Variants in NSD1 observed in about 807,000 individuals in gnomAD.
NSD1 encodes the protein nuclear receptor binding SET domain protein 1, also known as histone-lysine N-methyltransferase, H3 lysine-36 specific.
In NSD1, 26 loss-of-function variants were observed where a neutral mutation model predicts 242.7. The observed-to-expected ratio is 0.11, with a 90% CI of 0.08 to 0.15. NSD1 has a LOEUF of 0.15. Ranked by LOEUF, NSD1 falls within the 10% of genes least tolerant of loss-of-function variation. NSD1 has a pLI of 1.00. For synonymous variants in NSD1, 1,106 were observed against 1,178.1 expected, an observed-to-expected ratio of 0.94 and a Z score of 1.25; for missense variants, 2,495 against 3,272.8, an observed-to-expected ratio of 0.76 and a Z score of 5.80.
chr5:177,195,721 G>A (rs1762059497), intron 3 of NSD1, among the ~76,000 whole-genome samples: 4 of 152,010 alleles, frequency 2.6e-5, no homozygotes, highest in Non-Finnish European at 1.5e-5. Context: ...TGCCCGCCTC[G>A]GCCTCCCAAA....
In NSD1 at chr5:177,149,779, A is replaced by G. The variant is rs1342234315; in HGVS notation, c.927+13749A>G. Among the ~76,000 whole-genome samples the G allele has an allele frequency of 4.6e-5, 7 of 152,142 alleles. No homozygotes were observed. The East Asian group carries it at 1.2e-3, about 25-fold the overall frequency. On this transcript the variant is annotated intron_variant, in intron 2 of 22. Coordinates refer to ENST00000439151, the MANE Select transcript of NSD1 (RefSeq NM_022455.5). ...CCTGATGTGACAGGAGTGGGAGCTC[A>G]GGCGATAATGCTCCCTTGTCTGCTG...
At position 177,162,520 on chromosome 5, in the gene NSD1, T is replaced by C. The variant is rs577752511; in HGVS notation, c.927+26490T>C. ...AAGCGATCCTCTCACCTCTGCCTCA[T>C]GAGTAGTTGGAACCACAGGCATGTG... On this transcript the variant is annotated intron_variant, in intron 2 of 22. Coordinates refer to ENST00000439151, the MANE Select transcript of NSD1 (RefSeq NM_022455.5). Among the ~76,000 whole-genome samples the C allele has an allele frequency of 2.6e-5, 4 of 152,088 alleles. No homozygotes were observed. The South Asian group carries it at 8.3e-4, about 32-fold the overall frequency.
intron 5 of NSD1, among the ~76,000 whole-genome samples, chr5:177,226,480 C>T (rs1764637131): frequency 6.6e-6 from 1 of 152,096 alleles, no homozygotes; most frequent in Admixed American, 6.6e-5. Flanking sequence ...AAATTGCTAT[C>T]GAGGTTTATT....
chr5:177,252,290 T>C (rs951561595), intron 12 of NSD1, among the ~76,000 whole-genome samples: 1 of 152,192 alleles, frequency 6.6e-6, no homozygotes, highest in Non-Finnish European at 1.5e-5. Context: ...AGAGGGCTTC[T>C]TGGTTACTGG....
At chr5:177,247,585 T>C (rs1320578153) in intron 10 of NSD1, among the ~76,000 whole-genome samples, 3 of 141,770 alleles carry the variant, frequency 2.1e-5, no homozygotes, top group African/African-American at 5.5e-5. Flanking sequence ...AAAAAAAAAA[T>C]CGAGACTGCT....
At chr5:177,278,925 T>C (rs1441205782) in intron 17 of NSD1, among the ~76,000 whole-genome samples, 1 of 152,258 alleles carries the variant, frequency 6.6e-6, no homozygotes, top group Non-Finnish European at 1.5e-5. Flanking sequence ...TTAAAACCTC[T>C]ACATTAATGG....
intron 6 of NSD1, among the ~76,000 whole-genome samples, chr5:177,236,168 C>T (rs1285793951): frequency 6.6e-6 from 1 of 151,872 alleles, no homozygotes; most frequent in Non-Finnish European, 1.5e-5. Context: ...CCCTCTTTGC[C>T]TTCAAAGAGT....
At chr5:177,141,321 T>C (rs1581108240) in intron 2 of NSD1, among the ~76,000 whole-genome samples, 1 of 108,010 alleles carries the variant, frequency 9.3e-6, no homozygotes, top group Non-Finnish European at 1.9e-5. Context: ...CGCGCAGCCT[T>C]TTTTTTTTTT....
chr5:177,194,694 CTTTTTTTTTTTTT>C (rs771213970), intron 3 of NSD1, among the ~76,000 whole-genome samples: 1 of 49,032 alleles, frequency 2.0e-5, no homozygotes, highest in Non-Finnish European at 3.8e-5. Flanking sequence ...ATTTTAGTGT[CTTTTTTTTTTTTT>C]TTTTTTTTTT....
intron 5 of NSD1, among the ~76,000 whole-genome samples, chr5:177,227,378 G>A (rs1764710209): frequency 6.6e-6 from 1 of 152,224 alleles, no homozygotes; most frequent in Non-Finnish European, 1.5e-5. Context: ...TAAGGAGGCA[G>A]ATGGAAGTTA....
intron 5 of NSD1, among the ~76,000 whole-genome samples, chr5:177,224,683 C>G (rs1025685142): frequency 3.3e-5 from 5 of 150,002 alleles, no homozygotes; most frequent in African/African-American, 9.8e-5. Flanking sequence ...CCTTTTCCCC[C>G]TTTGCTTACT....
chr5:177,275,071 G>T (rs1758258309), intron 17 of NSD1, among the ~76,000 whole-genome samples: 1 of 150,920 alleles, frequency 6.6e-6, no homozygotes. Context: ...GATGCTACTT[G>T]GAGACTAATT....
chr5:177,246,527 T>C (rs188324763), intron 9 of NSD1, 151 bp from the exon 10 acceptor site: 336 of 670,438 alleles, frequency 5.0e-4, no homozygotes, highest in Non-Finnish European at 8.5e-4. Context: ...CATCATGAGT[T>C]AGTCTCAATT....
chr5:177,276,650 C>A (rs555204387), intron 17 of NSD1, among the ~76,000 whole-genome samples: 5 of 152,138 alleles, frequency 3.3e-5, no homozygotes, highest in South Asian at 2.1e-4. Flanking sequence ...TTTCTCCCCC[C>A]CTTTATTAGA....
intron 12 of NSD1, among the ~76,000 whole-genome samples, chr5:177,255,042 C>G (rs976906488): frequency 2.0e-5 from 3 of 152,042 alleles, no homozygotes; most frequent in African/African-American, 7.2e-5. Context: ...ATAGCTACCA[C>G]GCCTGTAATC....
At chr5:177,180,722 G>A (rs1441339523) in intron 2 of NSD1, among the ~76,000 whole-genome samples, 1 of 151,706 alleles carries the variant, frequency 6.6e-6, no homozygotes, top group Non-Finnish European at 1.5e-5. Context: ...TCGCTCTGTT[G>A]CCCAGGCTAG....
chr5:177,220,337 TTATATAAG>T (rs1365560082), intron 5 of NSD1, among the ~76,000 whole-genome samples: 1 of 152,140 alleles, frequency 6.6e-6, no homozygotes, highest in African/African-American at 2.4e-5. Context: ...GTATTTTGTT[TTATATAAG>T]TATGGCCAAA....
Position 177,291,997 on chromosome 5 carries a change from A to G in NSD1, c.6302A>G (p.Lys2101Arg). Reference sequence around the variant, plus strand: ...GAAGAAAAGTCAAAGAAATTCAAGAAGAAGCAACAGGGAAAGCGCAGGACC... The same window carrying G: ...GAAGAAAAGTCAAAGAAATTCAAGAGGAAGCAACAGGGAAAGCGCAGGACC... ...ATEEKSKKFK[K>R]KQQGKRRTQG... Residue 2101 changes from lysine (K) to arginine (R), a missense_variant, in exon 22 of 23, where the codon AAG (lysine) becomes AGG (arginine). This residue lies in a region of NSD1 where 27 missense variants were observed against 33.4 expected (regional missense o/e 0.81). Transcript: ENST00000439151. 6.2e-7 allele frequency: 1 copy of G among 1,614,066 alleles called. No individual in the cohort carries two copies. The highest frequency in any genetic ancestry group is 8.5e-7 in the Non-Finnish European group (1 of 1,179,966).
Position 177,256,233 on chromosome 5 carries a change from T to C in NSD1, c.4766-718T>C, listed in dbSNP as rs192252912. On this transcript the variant is annotated intron_variant, in intron 12 of 22. Coordinates refer to ENST00000439151, the MANE Select transcript of NSD1 (RefSeq NM_022455.5). ...CCTGTAGTGTAAACTTTTTTATACATCTCTTAAGTTTCTACTTATCTTTAA... is the reference window on the plus strand; with the variant it reads ...CCTGTAGTGTAAACTTTTTTATACACCTCTTAAGTTTCTACTTATCTTTAA... Among the ~76,000 whole-genome samples, 123 of 151,308 alleles carry C rather than the reference T, an allele frequency of 8.1e-4. 1 individual carries two copies. The highest frequency in any genetic ancestry group is 3.0e-3 in the African/African-American group (123 of 41,278).
Sources: gnomAD v4.1 joint callset for allele counts (sites outside exome capture counted in the v4.1 genomes callset) on GRCh38, gnomAD v4.1.1 for gene constraint, gnomAD v4.1.1 regional missense constraint, MANE v1.5 for transcripts, NCBI Gene and HGNC (gene_info 2026-07-23, HGNC 2026-07-21) for gene names.